The following GLB1L3 variants were observed in gnomAD, a reference collection of about 807,000 sequenced individuals.
GLB1L3 encodes beta-galactosidase-1-like protein 3.
Under a neutral mutation model 89.5 loss-of-function variants are expected in GLB1L3, and 89 were observed. The observed-to-expected ratio is 0.99, with a 90% confidence interval of 0.84 to 1.19. The LOEUF (loss-of-function observed/expected upper bound fraction) is 1.19, where lower values mean the gene tolerates loss of function less well. Among genes scored for constraint, GLB1L3 ranks in the 50% most tolerant of loss-of-function variants. The pLI is 0.00. For missense variants in GLB1L3, 812 were observed against 813.3 expected, an observed-to-expected ratio of 1.00 and a Z score of 0.02; for synonymous variants, 314 against 312.3, an observed-to-expected ratio of 1.01 and a Z score of -0.06.
At chr11:134,301,658 G>T (rs1373695330) in intron 9 of GLB1L3, among the ~76,000 whole-genome samples, 1 of 151,422 alleles carries the variant, frequency 6.6e-6, no homozygotes, top group Non-Finnish European at 1.5e-5. Flanking sequence ...TACTATTTTT[G>T]GTTTATTTTG....
At chr11:134,302,950 A>C (rs1942022951) in intron 9 of GLB1L3, among the ~76,000 whole-genome samples, 1 of 152,202 alleles carries the variant, frequency 6.6e-6, no homozygotes, top group Non-Finnish European at 1.5e-5. Context: ...GCAGATTTGC[A>C]TATTTCTACC....
intron 9 of GLB1L3, among the ~76,000 whole-genome samples, chr11:134,304,720 C>G (rs997321741): frequency 1.3e-5 from 2 of 151,982 alleles, no homozygotes; most frequent in Admixed American, 6.6e-5. Flanking sequence ...TTTTAGTTCT[C>G]TTTTTATGCT....
intron 9 of GLB1L3, chr11:134,305,309 C>T (rs1458907519): frequency 8.7e-6 from 5 of 573,864 alleles, no homozygotes; most frequent in Non-Finnish European, 1.6e-5. Flanking sequence ...TGGTATTGCA[C>T]TATAGAGTAT....
intron 11 of GLB1L3, chr11:134,309,980 C>T (rs948847341): frequency 4.3e-5 from 25 of 575,976 alleles, no homozygotes; most frequent in South Asian, 2.6e-4. Flanking sequence ...CTTAGAGCTC[C>T]GCTTCACACA....
In GLB1L3 at chr11:134,310,633, C is replaced by T; in HGVS notation, c.1162C>T (p.Leu388Phe). Residue 388 changes from leucine to phenylalanine, a missense_variant, in exon 12 of 20, where the codon CTC becomes TTC. Leu to Phe is a conservative substitution (Grantham distance 22, BLOSUM62 0). Transcript: ENST00000431683. ...YTEKYLKLQK[L>F]FQSVSATPLP... The stretch of plus-strand genomic sequence containing the variant: ...AGAAAAATATCTGAAGCTTCAAAAA[C>T]TCTTTCAATCTGTCTCAGGTACTCA... The T allele has an allele frequency of 6.2e-7, 1 of 1,612,864 alleles. No individual in the cohort carries two copies. Among genetic ancestry groups the T allele is most frequent in the Non-Finnish European group, 8.5e-7 (1 of 1,179,014 alleles).
At chr11:134,285,521 C>T (rs1940931555) in intron 6 of GLB1L3, among the ~76,000 whole-genome samples, 1 of 152,094 alleles carries the variant, frequency 6.6e-6, no homozygotes, top group South Asian at 2.1e-4. Flanking sequence ...CATGGTGGCT[C>T]ACGGCTGTAA....
At chr11:134,309,254 C>T (rs1042540785) in intron 10 of GLB1L3, among the ~76,000 whole-genome samples, 1 of 152,040 alleles carries the variant, frequency 6.6e-6, no homozygotes, top group East Asian at 1.9e-4. Flanking sequence ...GATTCGGTGT[C>T]CTAGAGTAGT....
chr11:134,277,671 ACTTT>A, intron 2 of GLB1L3, 25 bp from the exon 3 acceptor site: 1 of 1,580,862 alleles, frequency 6.3e-7, no homozygotes, highest in Non-Finnish European at 8.6e-7. Flanking sequence ...CTCCCTTTCC[ACTTT>A]CTTTCCCTCG....
At chr11:134,306,895 G>A (rs955044677) in intron 9 of GLB1L3, among the ~76,000 whole-genome samples, 3 of 152,238 alleles carry the variant, frequency 2.0e-5, no homozygotes, top group African/African-American at 7.2e-5. Context: ...GTATAGTAGG[G>A]AGGCACATGA....
At chr11:134,292,415 T>C (rs1941406076) in intron 8 of GLB1L3, 3 of 496,266 alleles carry the variant, frequency 6.0e-6, no homozygotes, top group Non-Finnish European at 1.1e-5. Context: ...TATCTTGGCC[T>C]TGCTCCTGCC....
chr11:134,312,255 G>C, intron 13 of GLB1L3, 94 bp from the exon 14 acceptor site: 3 of 1,388,358 alleles, frequency 2.2e-6, no homozygotes, highest in Non-Finnish European at 3.0e-6. Context: ...GAACCCTTGG[G>C]GACCATTAGG....
At chr11:134,312,998 C>T in intron 15 of GLB1L3, 111 bp downstream of exon 15, 2 of 824,734 alleles carry the variant, frequency 2.4e-6, no homozygotes, top group South Asian at 1.5e-5. Context: ...GGTGCTGCTG[C>T]TCACCTGGGG....
chr11:134,309,896 A>G (rs1942639400), intron 11 of GLB1L3, 133 bp downstream of exon 11: 3 of 987,092 alleles, frequency 3.0e-6, no homozygotes, highest in South Asian at 3.4e-5. Flanking sequence ...AGATTTTCCT[A>G]TCTACTTTCC....
downstream of GLB1L3, among the ~76,000 whole-genome samples, chr11:134,320,017 C>A (rs1176189660): frequency 1.3e-5 from 2 of 152,028 alleles, no homozygotes; most frequent in African/African-American, 4.8e-5. Context: ...TGAGATTAGC[C>A]ACACACACAT....
At chr11:134,308,616 C>CCACCAT (rs1241264167) in intron 10 of GLB1L3, among the ~76,000 whole-genome samples, 3 of 138,048 alleles carry the variant, frequency 2.2e-5, no homozygotes, top group Non-Finnish European at 4.8e-5. Context: ...ACCACCACCA[C>CCACCAT]TATCACCACC....
rs142575463 is a variant in GLB1L3, at chr11:134,289,063, A to G, written c.729+173A>G. 1.1e-3 allele frequency: 583 copies of G among 528,494 alleles called. 8 individuals are homozygous for G. In the East Asian group the frequency reaches 0.016, roughly 15 times the overall value. The allele number at this position is 528,494 out of a possible 1,614,324, so 32.7% of individuals were successfully genotyped here. On this transcript the variant is annotated intron_variant, in intron 7 of 19. Coordinates refer to ENST00000431683, the MANE Select transcript of GLB1L3 (RefSeq NM_001080407.3). ...CCACTGCATAGCTGAAAATTTGCGT[A>G]TAACTTTTGACTCCCTCAAAATTTA...
chr11:134,298,455 G>T (rs1346254834), intron 9 of GLB1L3, among the ~76,000 whole-genome samples: 1 of 152,084 alleles, frequency 6.6e-6, no homozygotes, highest in Non-Finnish European at 1.5e-5. Context: ...TATGTAAAAT[G>T]ATAATACATT....
intron 9 of GLB1L3, among the ~76,000 whole-genome samples, chr11:134,296,659 A>G (rs904020806): frequency 7.7e-6 from 1 of 129,196 alleles, no homozygotes; most frequent in African/African-American, 3.0e-5. Context: ...ACATGGACAT[A>G]GGAAGGGGAA....
chr11:134,308,574 T>C (rs1305477587), intron 10 of GLB1L3, among the ~76,000 whole-genome samples: 644 of 55,232 alleles, frequency 0.012, 3 homozygotes, highest in Non-Finnish European at 0.016. Flanking sequence ...ACCACCACCA[T>C]CACCATCACC....
Sources: gnomAD v4.1 joint callset for allele counts (sites outside exome capture counted in the v4.1 genomes callset) on GRCh38, gnomAD v4.1.1 for gene constraint, MANE v1.5 for transcripts, NCBI Gene and HGNC (gene_info 2026-07-23, HGNC 2026-07-21) for gene names.